GUCY1A2: variants seen among roughly 807,000 people sequenced by gnomAD.
GUCY1A2 encodes guanylate cyclase 1 soluble subunit alpha 2.
Under a neutral mutation model 63.5 loss-of-function variants are expected in GUCY1A2, and 27 were observed. The observed-to-expected ratio is 0.43, with a 90% CI of 0.31 to 0.59. GUCY1A2 has a LOEUF of 0.59. Ranked by LOEUF, GUCY1A2 falls within the 20% of genes least tolerant of loss-of-function variation. The pLI, the probability that GUCY1A2 is intolerant of heterozygous loss-of-function variation, is 0.11. For synonymous variants in GUCY1A2, 364 were observed against 343.5 expected, an observed-to-expected ratio of 1.06 and a Z score of -0.66; for missense variants, 768 against 913.3, an observed-to-expected ratio of 0.84 and a Z score of 2.05.
chr11:106,931,932 T>C (rs868699283), intron 4 of GUCY1A2, among the ~76,000 whole-genome samples: 2 of 152,082 alleles, frequency 1.3e-5, no homozygotes, highest in African/African-American at 4.8e-5. Flanking sequence ...TTACTAAAAA[T>C]TATTGCACTG....
At chr11:106,840,209 C>T (rs942633094) in intron 4 of GUCY1A2, among the ~76,000 whole-genome samples, 1 of 151,848 alleles carries the variant, frequency 6.6e-6, no homozygotes, top group Non-Finnish European at 1.5e-5. Flanking sequence ...AAAAGAAGCA[C>T]TATTGATGGC....
chr11:106,889,595 T>C (rs545742904), intron 4 of GUCY1A2, among the ~76,000 whole-genome samples: 140 of 152,336 alleles, frequency 9.2e-4, no homozygotes, highest in African/African-American at 3.0e-3. Context: ...AAAATGATTT[T>C]ATTTTACACA....
rs1268283778 is a variant in GUCY1A2 at position 106,978,691 on chromosome 11, A to G, written c.415T>C (p.Tyr139His). Residue 139 changes from tyrosine to histidine, a missense_variant, in exon 3 of 8, where the codon TAT becomes CAT. By Grantham distance (83) the Tyr-to-His change is moderately conservative. This residue lies in a region of GUCY1A2 where 496 missense variants were observed against 486.9 expected (regional missense o/e 1.02). Transcript: ENST00000526355. Reference protein sequence around the residue: ...NFHNISNRCSYADHSNKEEIE... With the variant: ...NFHNISNRCSHADHSNKEEIE... ...TCTTCTTTGTTGGAGTGGTCTGCAT[A>G]GGAGCATCTGTTAGAGATATTGTGG... 1.3e-6 allele frequency: 2 copies of G among 1,587,212 alleles called. No homozygotes were observed. Among genetic ancestry groups the G allele is most frequent in the African/African-American group, 2.7e-5 (2 of 74,402 alleles).
intron 6 of GUCY1A2, among the ~76,000 whole-genome samples, chr11:106,764,970 T>TGC (rs1555028457): frequency 3.2e-5 from 3 of 92,432 alleles, no homozygotes; most frequent in Non-Finnish European, 6.5e-5. Flanking sequence ...CAGATTTTTT[T>TGC]GGGGGGGGGT....
intron 4 of GUCY1A2, among the ~76,000 whole-genome samples, chr11:106,878,962 A>G (rs1383241746): frequency 6.6e-6 from 1 of 152,052 alleles, no homozygotes; most frequent in African/African-American, 2.4e-5. Context: ...TAAGTTTGTG[A>G]TAATTTCGTT....
chr11:106,724,070 C>G (rs2135365624), intron 6 of GUCY1A2, among the ~76,000 whole-genome samples: 1 of 152,276 alleles, frequency 6.6e-6, no homozygotes, highest in East Asian at 1.9e-4. Context: ...TATGAATAAA[C>G]AGAACAAGCT....
chr11:106,907,406 AATT>A (rs1222625428), intron 4 of GUCY1A2, among the ~76,000 whole-genome samples: 1 of 118,476 alleles, frequency 8.4e-6, no homozygotes, highest in African/African-American at 3.5e-5. Context: ...TCTTTTTTTT[AATT>A]TTATTATTAT....
intron 7 of GUCY1A2, among the ~76,000 whole-genome samples, chr11:106,692,284 T>A (rs1862638922): frequency 6.6e-6 from 1 of 152,154 alleles, no homozygotes; most frequent in South Asian, 2.1e-4. Context: ...TGGCAACATG[T>A]TTAATAAGCA....
At chr11:106,856,514 G>A (rs1359121278) in intron 4 of GUCY1A2, among the ~76,000 whole-genome samples, 1 of 151,912 alleles carries the variant, frequency 6.6e-6, no homozygotes, top group Non-Finnish European at 1.5e-5. Flanking sequence ...AGTTCTATCT[G>A]TTTTTAAGGA....
At chr11:106,891,845 A>G (rs1397294448) in intron 4 of GUCY1A2, among the ~76,000 whole-genome samples, 1 of 152,050 alleles carries the variant, frequency 6.6e-6, no homozygotes, top group African/African-American at 2.4e-5. Context: ...GTTCTCTAAC[A>G]TTGTTCTCTT....
intron 7 of GUCY1A2, among the ~76,000 whole-genome samples, chr11:106,704,574 A>G (rs919182417): frequency 2.6e-5 from 4 of 152,210 alleles, no homozygotes; most frequent in African/African-American, 9.6e-5. Context: ...TTCACAGTCA[A>G]TTAAAAATAG....
chr11:107,006,165 A>T (rs1277227638), intron 1 of GUCY1A2, among the ~76,000 whole-genome samples: 1 of 152,212 alleles, frequency 6.6e-6, no homozygotes, highest in Non-Finnish European at 1.5e-5. Flanking sequence ...CAGACTGCAA[A>T]TCTCCTCTTT....
chr11:106,764,971 G>A (rs7103482), intron 6 of GUCY1A2, among the ~76,000 whole-genome samples: 1 of 29,564 alleles, frequency 3.4e-5, no homozygotes, highest in Non-Finnish European at 7.0e-5. Flanking sequence ...AGATTTTTTT[G>A]GGGGGGGGTT....
intron 4 of GUCY1A2, among the ~76,000 whole-genome samples, chr11:106,901,737 T>G (rs1419108880): frequency 6.7e-6 from 1 of 149,956 alleles, no homozygotes; most frequent in Non-Finnish European, 1.5e-5. Context: ...ACACGCAGTG[T>G]TTGATTTTTT....
chr11:106,857,879 AC>A (rs767467534), intron 4 of GUCY1A2, among the ~76,000 whole-genome samples: 3 of 152,220 alleles, frequency 2.0e-5, no homozygotes, highest in Non-Finnish European at 4.4e-5. Flanking sequence ...CAAATACTAT[AC>A]CATTTTATAT....
intron 4 of GUCY1A2, among the ~76,000 whole-genome samples, chr11:106,822,174 G>C (rs1216684230): frequency 6.6e-6 from 1 of 152,078 alleles, no homozygotes; most frequent in Non-Finnish European, 1.5e-5. Context: ...GAAATACAGA[G>C]AGCTGCTAAA....
intron 5 of GUCY1A2, among the ~76,000 whole-genome samples, chr11:106,781,916 C>T (rs1253057006): frequency 6.6e-6 from 1 of 152,116 alleles, no homozygotes; most frequent in Non-Finnish European, 1.5e-5. Flanking sequence ...AAAAGAATTT[C>T]TTTTAGCTCC....
At chr11:106,889,987 T>A (rs986551765) in intron 4 of GUCY1A2, among the ~76,000 whole-genome samples, 11 of 152,176 alleles carry the variant, frequency 7.2e-5, no homozygotes, top group African/African-American at 2.7e-4. Context: ...TCTTAACCTC[T>A]CAGACCTTCA....
chr11:106,677,767 T>C lies in GUCY1A2; in HGVS notation c.*9782A>G, dbSNP rs1862369577. 4.7e-6 allele frequency: 1 copy of C among 210,702 alleles called. No individual in the cohort carries two copies. Among genetic ancestry groups the C allele is most frequent in the South Asian group, 1.9e-4 (1 of 5,350 alleles). 13.1% of individuals were successfully genotyped at this position (210,702 alleles called of 1,614,324 possible). ...TAATTTTGATGTAAGCAAAGTCTGATTTTTGTGTCTCTTTCCATCTTCTCT... is the reference window on the plus strand; with the variant it reads ...TAATTTTGATGTAAGCAAAGTCTGACTTTTGTGTCTCTTTCCATCTTCTCT... On this transcript the variant is annotated 3_prime_UTR_variant, in exon 8 of 8. Coordinates refer to ENST00000526355, the MANE Select transcript of GUCY1A2 (RefSeq NM_000855.3).
Sources: gnomAD v4.1 joint callset for allele counts (sites outside exome capture counted in the v4.1 genomes callset) on GRCh38, gnomAD v4.1.1 for gene constraint, gnomAD v4.1.1 regional missense constraint, MANE v1.5 for transcripts, NCBI Gene and HGNC (gene_info 2026-07-23, HGNC 2026-07-21) for gene names.